Variants in SLC13A1 observed in about 807,000 individuals in gnomAD.
SLC13A1 encodes the protein solute carrier family 13 member 1.
A neutral mutation model predicts 70.0 loss-of-function variants in SLC13A1; 65 were observed. That is an observed-to-expected ratio of 0.93 (90% confidence interval 0.76 to 1.14). The LOEUF (loss-of-function observed/expected upper bound fraction) is 1.14, where lower values mean the gene tolerates loss of function less well. Ranked by LOEUF, SLC13A1 falls within the 50% of genes most tolerant of loss-of-function variation. The probability of loss-of-function intolerance (pLI) is 0.00; values close to 1 mark genes in which losing one functional copy is unlikely to be tolerated. For missense variants in SLC13A1, 726 were observed against 717.8 expected (o/e 1.01, Z -0.13); for synonymous variants, 275 against 250.5 (o/e 1.10, Z -0.92).
At chr7:123,140,817 C>T (rs764925184) in intron 7 of SLC13A1, among the ~76,000 whole-genome samples, 1 of 151,842 alleles carries the variant, frequency 6.6e-6, no homozygotes, top group African/African-American at 2.4e-5. Context: ...TTTTCTCTTG[C>T]TTTCTTAGTC....
At chr7:123,145,802 A>C (rs529988753) in intron 7 of SLC13A1, among the ~76,000 whole-genome samples, 35 of 152,214 alleles carry the variant, frequency 2.3e-4, no homozygotes, top group Admixed American at 1.6e-3. Context: ...GTTGAACACA[A>C]ACACCCATTC....
chr7:123,169,367 T>C, intron 3 of SLC13A1, 32 bp from the exon 4 acceptor site: 1 of 1,595,554 alleles, frequency 6.3e-7, no homozygotes, highest in East Asian at 2.2e-5. Flanking sequence ...TGTGGAGCTG[T>C]GCTCTTAGCT....
chr7:123,168,970 T>C (rs150191876), intron 4 of SLC13A1, among the ~76,000 whole-genome samples, 178 bp downstream of exon 4: 5 of 152,304 alleles, frequency 3.3e-5, no homozygotes, highest in African/African-American at 4.8e-5. Flanking sequence ...TGTAACAATT[T>C]AGGTAAAATA....
intron 1 of SLC13A1, among the ~76,000 whole-genome samples, chr7:123,189,602 A>G (rs1190716353): frequency 2.0e-5 from 3 of 152,160 alleles, no homozygotes; most frequent in Non-Finnish European, 4.4e-5. Context: ...TTCAAATTAC[A>G]CAGAATCTAT....
chr7:123,177,590 T>G (rs1563349362), intron 2 of SLC13A1, among the ~76,000 whole-genome samples: 1 of 152,126 alleles, frequency 6.6e-6, no homozygotes, highest in East Asian at 1.9e-4. Context: ...TTAGTTACTC[T>G]TTTCCAATTA....
At chr7:123,139,254 A>G (rs756634924) in intron 7 of SLC13A1, among the ~76,000 whole-genome samples, 2 of 151,992 alleles carry the variant, frequency 1.3e-5, no homozygotes, top group African/African-American at 2.4e-5. Flanking sequence ...TGGGTTCTCT[A>G]TTCTGTTCCA....
intron 2 of SLC13A1, among the ~76,000 whole-genome samples, chr7:123,175,974 T>A (rs930703554): frequency 6.6e-6 from 1 of 152,218 alleles, no homozygotes; most frequent in African/African-American, 2.4e-5. Flanking sequence ...TTTGGCCATA[T>A]GGTCTTCATT....
intron 12 of SLC13A1, among the ~76,000 whole-genome samples, chr7:123,119,454 A>G (rs186287716): frequency 1.9e-3 from 292 of 152,138 alleles, no homozygotes; most frequent in Middle Eastern, 3.4e-3. Context: ...AACATGGTTT[A>G]GAAAGTTTGA....
intron 5 of SLC13A1, 25 bp from the exon 6 acceptor site, chr7:123,168,447 T>G: frequency 6.3e-7 from 1 of 1,584,298 alleles, no homozygotes; most frequent in South Asian, 1.1e-5. Flanking sequence ...GATCCAGTTA[T>G]AATTTTATTA....
At chr7:123,156,090 G>T (rs1380439751) in intron 6 of SLC13A1, among the ~76,000 whole-genome samples, 4 of 152,120 alleles carry the variant, frequency 2.6e-5, no homozygotes, top group Non-Finnish European at 5.9e-5. Flanking sequence ...TTTTAAAAAT[G>T]TTGAAGCCTG....
chr7:123,137,975 T>C (rs911767321), intron 7 of SLC13A1, among the ~76,000 whole-genome samples: 1 of 152,168 alleles, frequency 6.6e-6, no homozygotes, highest in Non-Finnish European at 1.5e-5. Context: ...TTATTAACTA[T>C]AGTCACCCTG....
intron 6 of SLC13A1, chr7:123,148,301 A>G: frequency 9.8e-6 from 3 of 305,612 alleles, no homozygotes; most frequent in South Asian, 7.8e-5. Context: ...TGACTACACT[A>G]TGTTCATGAA....
At chr7:123,199,569 G>A (rs1796286813) in intron 1 of SLC13A1, among the ~76,000 whole-genome samples, 1 of 152,176 alleles carries the variant, frequency 6.6e-6, no homozygotes, top group Non-Finnish European at 1.5e-5. Flanking sequence ...CTCAAAGGTT[G>A]TGCTTCTTTT....
intron 12 of SLC13A1, 39 bp from the exon 13 acceptor site, chr7:123,119,281 A>C: frequency 7.4e-7 from 1 of 1,344,238 alleles, no homozygotes; most frequent in Non-Finnish European, 1.0e-6. Flanking sequence ...CTCATGAATA[A>C]TTCTTTGTAA....
In SLC13A1 at chr7:123,184,493, C is replaced by T. The variant is rs141755012; in HGVS notation, c.100-3392G>A. Among the ~76,000 whole-genome samples, 1,269 of 152,218 alleles carry T rather than the reference C, an allele frequency of 8.3e-3. 18 individuals carry two copies. Among genetic ancestry groups the T allele is most frequent in the African/African-American group, 0.028 (1,178 of 41,548 alleles). On this transcript the variant is annotated intron_variant, in intron 1 of 14. Transcript: ENST00000194130. ...ATCAACTTTTTTAGATTCCACATGA[C>T]TGACATCACATGCTATTTGTCTTCC...
At chr7:123,130,548 A>G (rs1352875647) in intron 8 of SLC13A1, among the ~76,000 whole-genome samples, 1 of 152,056 alleles carries the variant, frequency 6.6e-6, no homozygotes, top group Admixed American at 6.5e-5. Flanking sequence ...AGAACAACAC[A>G]CACTGGGGCC....
At chr7:123,142,177 C>T (rs1794177515) in intron 7 of SLC13A1, among the ~76,000 whole-genome samples, 1 of 152,112 alleles carries the variant, frequency 6.6e-6, no homozygotes, top group African/African-American at 2.4e-5. Context: ...CCCACTCTCC[C>T]ACCCCTTTCC....
chr7:123,191,761 C>A (rs1796003517), intron 1 of SLC13A1, among the ~76,000 whole-genome samples: 1 of 152,140 alleles, frequency 6.6e-6, no homozygotes, highest in African/African-American at 2.4e-5. Flanking sequence ...TAATTCCATG[C>A]TGAACTAAGG....
intron 7 of SLC13A1, among the ~76,000 whole-genome samples, chr7:123,135,338 C>T (rs1793916241): frequency 6.6e-6 from 1 of 152,024 alleles, no homozygotes; most frequent in South Asian, 2.1e-4. Flanking sequence ...ATGTCTAATA[C>T]TAAATAAATT....
Sources: allele counts gnomAD v4.1 joint callset (sites outside exome capture counted in the v4.1 genomes callset), GRCh38; gene constraint gnomAD v4.1.1; transcripts MANE v1.5; gene names NCBI Gene and HGNC (gene_info 2026-07-23, HGNC 2026-07-21).